The following DCUN1D5 variants were observed in gnomAD, a reference collection of about 807,000 sequenced individuals.
The protein encoded by DCUN1D5 is defective in cullin neddylation 1 domain containing 5.
Under a neutral mutation model 38.3 loss-of-function variants are expected in DCUN1D5, and 10 were observed. That is an observed-to-expected ratio of 0.26 (90% confidence interval 0.16 to 0.44). The LOEUF (loss-of-function observed/expected upper bound fraction) is 0.44, where lower values mean the gene tolerates loss of function less well. Among genes scored for constraint, DCUN1D5 ranks in the 20% least tolerant of loss-of-function variants. DCUN1D5 has a pLI of 1.00. For synonymous variants in DCUN1D5, 93 were observed against 90.9 expected (o/e 1.02, Z -0.13); for missense variants, 148 against 275.3 (o/e 0.54, Z 3.27).
intron 4 of DCUN1D5, among the ~76,000 whole-genome samples, chr11:103,074,248 ACT>A (rs1162936112): frequency 1.3e-5 from 2 of 152,050 alleles, no homozygotes; most frequent in East Asian, 1.9e-4. Context: ...GTATCAGCAA[ACT>A]CTGAAAATTC....
chr11:103,080,009 G>C (rs994771112), intron 4 of DCUN1D5: 2 of 152,118 alleles, frequency 1.3e-5, no homozygotes, highest in African/African-American at 4.8e-5. Context: ...TATATGAATA[G>C]AAAACAAACG....
At position 103,054,999 on chromosome 11, in the gene DCUN1D5, T is replaced by C. The variant is rs919231524; in HGVS notation, c.*7360A>G. On this transcript the variant is annotated 3_prime_UTR_variant, in exon 8 of 8. Coordinates refer to ENST00000260247, the MANE Select transcript of DCUN1D5 (RefSeq NM_032299.4). ...GCTTGGGACCGGAAGTGTTTTAGAT[T>C]TCTTTTTTTTGATCTTTGAATATTT... The C allele has an allele frequency of 6.6e-6, 1 of 152,126 alleles. No homozygotes were observed. The highest frequency in any genetic ancestry group is 2.4e-5 in the African/African-American group (1 of 41,436). The allele number at this position is 152,126 out of a possible 1,614,324, so 9.4% of individuals were successfully genotyped here.
intron 1 of DCUN1D5, among the ~76,000 whole-genome samples, chr11:103,089,874 A>T (rs1315472428): frequency 6.6e-6 from 1 of 152,162 alleles, no homozygotes; most frequent in East Asian, 1.9e-4. Flanking sequence ...AAACACTAAA[A>T]GTTAATAATA....
rs907376453 is a variant in DCUN1D5 at position 103,057,205 on chromosome 11, T to C, written c.*5154A>G. Among the ~76,000 whole-genome samples, 1 of 152,230 alleles carries C rather than the reference T, an allele frequency of 6.6e-6. No individual in the cohort carries two copies. Among genetic ancestry groups the C allele is most frequent in the Admixed American group, 6.5e-5 (1 of 15,282 alleles). ...TTGCATGACAGAATAGTAAAGTATA[T>C]AAACTAACTTCACTTAAGTCAATAC... On this transcript the variant is annotated 3_prime_UTR_variant, in exon 8 of 8. Coordinates refer to ENST00000260247, the MANE Select transcript of DCUN1D5 (RefSeq NM_032299.4). This position sits in a 1 kb window ranked among gnomAD's most constrained non-coding sequence, Gnocchi z 4.8.
rs1285179090 is a variant in DCUN1D5 at position 103,066,718 on chromosome 11, T to G, written c.342-151A>C. The G allele has an allele frequency of 8.1e-6, 4 of 493,662 alleles. No homozygotes were observed. Among genetic ancestry groups the G allele is most frequent in the Non-Finnish European group, 1.4e-5 (4 of 284,520 alleles). 30.6% of individuals were successfully genotyped at this position (493,662 alleles called of 1,614,324 possible). A position where few individuals can be genotyped will look rare whatever the true frequency, so the allele number is the denominator to read the frequency against. ...ATTCTGAGTCACAAATTTAGAGTAA[T>G]AAATTTCTTGCCCTGCATCTACCAA... On this transcript the variant is annotated intron_variant, in intron 4 of 7. Transcript: ENST00000260247. This position sits in a 1 kb window ranked among gnomAD's most constrained non-coding sequence, Gnocchi z 4.7.
At chr11:103,079,607 T>C (rs12293495) in intron 4 of DCUN1D5, among the ~76,000 whole-genome samples, 5,017 of 151,154 alleles carry the variant, frequency 0.033, 286 homozygotes, top group African/African-American at 0.12. Flanking sequence ...CTGGACAACA[T>C]AGTGAGACCC....
At position 103,083,751 on chromosome 11, in the gene DCUN1D5, C is replaced by G. The variant is rs1862628029; in HGVS notation, c.179-425G>C. On this transcript the variant is annotated intron_variant, in intron 2 of 7. Coordinates refer to ENST00000260247, the MANE Select transcript of DCUN1D5 (RefSeq NM_032299.4). This position sits in a 1 kb window ranked among gnomAD's most constrained non-coding sequence, Gnocchi z 4.4. The stretch of plus-strand genomic sequence containing the variant: ...CCAACACAAAGTTCAATACAGTAAT[C>G]AGAAGGGGAATATATTTACCTATAA... 6.6e-6 allele frequency among the ~76,000 whole-genome samples: 1 copy of G among 152,088 alleles called. No homozygotes were observed. Among genetic ancestry groups the G allele is most frequent in the African/African-American group, 2.4e-5 (1 of 41,440 alleles).
rs1252285897 is a variant in DCUN1D5, at chr11:103,053,564, T to C, written c.*8795A>G. The C allele has an allele frequency of 6.6e-6, 1 of 152,068 alleles. No individual in the cohort carries two copies. The highest frequency in any genetic ancestry group is 1.5e-5 in the Non-Finnish European group (1 of 67,954). 9.4% of individuals were successfully genotyped at this position (152,068 alleles called of 1,614,324 possible). A position where few individuals can be genotyped will look rare whatever the true frequency, so the allele number is the denominator to read the frequency against. On this transcript the variant is annotated 3_prime_UTR_variant, in exon 8 of 8. Coordinates refer to ENST00000260247, the MANE Select transcript of DCUN1D5 (RefSeq NM_032299.4). The surrounding 1 kb of genome is among the most constrained non-coding windows in gnomAD (Gnocchi z 4.8). ...GATGGATATCCCAATTATCTTCATT[T>C]AATTATATGAATATATCATACTATC...
chr11:103,056,482 T>C lies in DCUN1D5; in HGVS notation c.*5877A>G, dbSNP rs767575305. Among the ~76,000 whole-genome samples, 1 of 152,146 alleles carries C rather than the reference T, an allele frequency of 6.6e-6. No homozygotes were observed. Among genetic ancestry groups the C allele is most frequent in the Non-Finnish European group, 1.5e-5 (1 of 68,030 alleles). On this transcript the variant is annotated 3_prime_UTR_variant, in exon 8 of 8. Coordinates refer to ENST00000260247, the MANE Select transcript of DCUN1D5 (RefSeq NM_032299.4). This position sits in a 1 kb window ranked among gnomAD's most constrained non-coding sequence, Gnocchi z 4.9. ...TCAGGCCTCTGCTCAATGTCACATA[T>C]CAGTGTACATGCTACTTAATAGTAA...
intron 4 of DCUN1D5, among the ~76,000 whole-genome samples, chr11:103,082,210 T>C (rs1862581979): frequency 6.6e-6 from 1 of 152,130 alleles, no homozygotes; most frequent in Non-Finnish European, 1.5e-5. Flanking sequence ...AAACTGAAAG[T>C]GTAGGACTAT....
In DCUN1D5 at chr11:103,087,091, T is replaced by A. The variant is rs1862728674; in HGVS notation, c.178+2136A>T. On this transcript the variant is annotated intron_variant, in intron 2 of 7. Coordinates refer to ENST00000260247, the MANE Select transcript of DCUN1D5 (RefSeq NM_032299.4). This position sits in a 1 kb window ranked among gnomAD's most constrained non-coding sequence, Gnocchi z 4.1. ...CTGTAATCCCACCACTCTGGGAAGC[T>A]GAGGCAATTAGATCACTTGAGCCCA... Among the ~76,000 whole-genome samples, 2 of 151,882 alleles carry A rather than the reference T, an allele frequency of 1.3e-5. No individual in the cohort carries two copies. The highest frequency in any genetic ancestry group is 4.1e-4 in the South Asian group (2 of 4,820).
In DCUN1D5 at chr11:103,055,875, C is replaced by G. The variant is rs1297630466; in HGVS notation, c.*6484G>C. 1 of 152,190 alleles carries G rather than the reference C, an allele frequency of 6.6e-6. No homozygotes were observed. The highest frequency in any genetic ancestry group is 2.4e-5 in the African/African-American group (1 of 41,454). The allele number at this position is 152,190 out of a possible 1,614,324, so 9.4% of individuals were successfully genotyped here. A position where few individuals can be genotyped will look rare whatever the true frequency, so the allele number is the denominator to read the frequency against. ...CATTTTCCTTTGGACGTCTGACAGA[C>G]AAGTCTACCATAACATATCCAAAAG... On this transcript the variant is annotated 3_prime_UTR_variant, in exon 8 of 8. Transcript: ENST00000260247.
intron 1 of DCUN1D5, among the ~76,000 whole-genome samples, chr11:103,089,848 AAAAAAAACAAC>A (rs778171470): frequency 1.3e-5 from 2 of 152,166 alleles, no homozygotes; most frequent in South Asian, 4.2e-4. Context: ...ACACAGATTT[AAAAAAAACAAC>A]AAAAAAACAC....
intron 4 of DCUN1D5, among the ~76,000 whole-genome samples, chr11:103,072,146 G>T (rs2134613896): frequency 6.6e-6 from 1 of 152,100 alleles, no homozygotes; most frequent in South Asian, 2.1e-4. Flanking sequence ...CTAAGATGGG[G>T]AACAAGGAAA....
In DCUN1D5 at chr11:103,060,925, TAAG is replaced by T. The variant is rs1290903537; in HGVS notation, c.*1431_*1433del. Reference sequence around the variant, plus strand: ...TTCATAACTCAGTGATTCTAATACTTAAGAGGAGCATTCTGTATTATCCTTTTC... The same window carrying T: ...TTCATAACTCAGTGATTCTAATACTTAGGAGCATTCTGTATTATCCTTTTC... On this transcript the variant is annotated 3_prime_UTR_variant, in exon 8 of 8. Coordinates refer to ENST00000260247, the MANE Select transcript of DCUN1D5 (RefSeq NM_032299.4). Among the ~76,000 whole-genome samples the T allele has an allele frequency of 1.3e-5, 2 of 152,252 alleles. No individual in the cohort carries two copies. The highest frequency in any genetic ancestry group is 3.9e-4 in the East Asian group (2 of 5,186).
chr11:103,084,796 C>T (rs1184383134), intron 2 of DCUN1D5, among the ~76,000 whole-genome samples: 7 of 151,116 alleles, frequency 4.6e-5, no homozygotes, highest in Non-Finnish European at 1.0e-4. Flanking sequence ...TCCAGACAAA[C>T]CTGCACAACA....
chr11:103,091,561 T>A lies in DCUN1D5; in HGVS notation c.86+226A>T. 2 of 626,036 alleles carry A rather than the reference T, an allele frequency of 3.2e-6. No individual in the cohort carries two copies. The allele number at this position is 626,036 out of a possible 1,614,324, so 38.8% of individuals were successfully genotyped here. A position where few individuals can be genotyped will look rare whatever the true frequency, so the allele number is the denominator to read the frequency against. On this transcript the variant is annotated intron_variant, in intron 1 of 7. Transcript: ENST00000260247. The surrounding 1 kb of genome is among the most constrained non-coding windows in gnomAD (Gnocchi z 4.3). ...CTGCAGGGCACGTAGACTCTTAACG[T>A]GGGCGGCTCTTCTAGTCTCTCCATA...
At chr11:103,084,754 C>A (rs150990415) in intron 2 of DCUN1D5, among the ~76,000 whole-genome samples, 2,471 of 152,054 alleles carry the variant, frequency 0.016, 68 homozygotes, top group African/African-American at 0.056. Flanking sequence ...CTTTGGGAGG[C>A]CGAGGTGGGA....
At position 103,066,215 on chromosome 11, in the gene DCUN1D5, C is replaced by A. The variant is rs1862131108; in HGVS notation, c.555+54G>T. On this transcript the variant is annotated intron_variant, in intron 6 of 7. Coordinates refer to ENST00000260247, the MANE Select transcript of DCUN1D5 (RefSeq NM_032299.4). This position sits in a 1 kb window ranked among gnomAD's most constrained non-coding sequence, Gnocchi z 4.7. ...ATCTACTTGTTCCTCAAAAGTATAACTTTCAGATTAAGTTTTAAAATAATA... is the reference window on the plus strand; with the variant it reads ...ATCTACTTGTTCCTCAAAAGTATAAATTTCAGATTAAGTTTTAAAATAATA... 1 of 1,186,274 alleles carries A rather than the reference C, an allele frequency of 8.4e-7. No individual in the cohort carries two copies. The allele number at this position is 1,186,274 out of a possible 1,614,324, so 73.5% of individuals were successfully genotyped here. A position where few individuals can be genotyped will look rare whatever the true frequency, so the allele number is the denominator to read the frequency against.
Sources: allele counts gnomAD v4.1 joint callset (sites outside exome capture counted in the v4.1 genomes callset), GRCh38; gene constraint gnomAD v4.1.1; non-coding constraint Gnocchi (gnomAD v3.1); transcripts MANE v1.5; gene names NCBI Gene and HGNC (gene_info 2026-07-23, HGNC 2026-07-21).